F8: variants seen among roughly 807,000 people sequenced by gnomAD.
The protein encoded by F8 is antihemophilic factor.
In F8, 12 loss-of-function variants were observed where a neutral mutation model predicts 140.6. The observed-to-expected ratio is 0.09, with a 90% confidence interval of 0.05 to 0.14. The LOEUF (loss-of-function observed/expected upper bound fraction) is 0.14, where lower values mean the gene tolerates loss of function less well. F8 is among the 10% of genes least tolerant of loss of function. F8 has a pLI of 1.00. For synonymous variants in F8, 585 were observed against 614.6 expected, an observed-to-expected ratio of 0.95 and a Z score of 0.71; for missense variants, 1,354 against 1,720.7, an observed-to-expected ratio of 0.79 and a Z score of 3.77.
In F8 at chrX:154,962,892, AC is replaced by A. The variant is rs1557281693; in HGVS notation, c.1444-1725del. Among the ~76,000 whole-genome samples the A allele has an allele frequency of 6.4e-4, 59 of 92,326 alleles. 1 individual carries two copies. Among genetic ancestry groups the A allele is most frequent in the Admixed American group, 2.8e-3 (24 of 8,494 alleles). 80.2% of individuals were successfully genotyped at this position (92,326 alleles called of 115,157 possible). ...TCAAGAGAGAGAGAGAGAGACAGAGACGAGAGAGAGAGAGAGAGAGAGAGAG... is the reference window on the plus strand; with the variant it reads ...TCAAGAGAGAGAGAGAGAGACAGAGAGAGAGAGAGAGAGAGAGAGAGAGAG... On this transcript the variant is annotated intron_variant, in intron 9 of 25. Coordinates refer to ENST00000360256, the MANE Select transcript of F8 (RefSeq NM_000132.4).
intron 1 of F8, among the ~76,000 whole-genome samples, chrX:155,013,145 CAA>C (rs34940593): frequency 1.2e-4 from 4 of 34,034 alleles, no homozygotes; most frequent in Admixed American, 3.9e-4. Context: ...GACTCCGTCT[CAA>C]AAAAAAAAAA....
intron 13 of F8, among the ~76,000 whole-genome samples, chrX:154,946,810 T>G (rs782039562): frequency 5.4e-5 from 6 of 111,293 alleles, no homozygotes; most frequent in African/African-American, 1.6e-4. Flanking sequence ...GATGAAATAT[T>G]TGCAAACTAT....
rs782246279 is a variant in F8, at chrX:154,878,937, G to A, written c.6430-15710C>T. ...CTTAGGAATAAATTCAGCTAAGGAG[G>A]TAAAAGACTTGTACACTGAAAACTA... On this transcript the variant is annotated intron_variant, in intron 22 of 25. Transcript: ENST00000360256. 3.6e-4 allele frequency among the ~76,000 whole-genome samples: 41 copies of A among 112,387 alleles called. 1 individual carries two copies. Among genetic ancestry groups the A allele is most frequent in the African/African-American group, 1.2e-3 (38 of 31,008 alleles).
chrX:154,904,699 C>T lies in F8; in HGVS notation c.5586+112G>A. The T allele has an allele frequency of 1.9e-5, 14 of 733,582 alleles. No homozygotes were observed. The South Asian group carries it at 3.1e-4, about 16-fold the overall frequency. 60.5% of individuals were successfully genotyped at this position (733,582 alleles called of 1,213,427 possible). A position where few individuals can be genotyped will look rare whatever the true frequency, so the allele number is the denominator to read the frequency against. ...TCTAAAACACAAATATAATGATCAA[C>T]TCTCCTATTTAAAGCTTCTTATTGC... On this transcript the variant is annotated intron_variant, in intron 16 of 25. Transcript: ENST00000360256.
intron 3 of F8, among the ~76,000 whole-genome samples, 192 bp downstream of exon 3, chrX:154,996,781 T>C (rs2073619405): frequency 8.9e-6 from 1 of 112,202 alleles, no homozygotes; most frequent in Non-Finnish European, 1.9e-5. Context: ...CAATATGTTA[T>C]ATGCTAAGGA....
Position 154,930,160 on chromosome X carries a change from T to G in F8, c.3630A>C (p.Glu1210Asp), listed in dbSNP as rs1557278609. The change falls in exon 14 of 26, where the codon GAA becomes GAC. Residue 1210 changes from glutamate to aspartate, a missense_variant. This residue lies in a region of F8 where 658 missense variants were observed against 666.5 expected (regional missense o/e 0.99). Transcript: ENST00000360256. Reference protein sequence around the residue: ...NLHENNTHNQEKKIQEEIEKK... With the variant: ...NLHENNTHNQDKKIQEEIEKK... ...TTTCTATTTCTTCCTGAATTTTTTT[T>G]TCTTGATTGTGTGTATTATTTTCAT... 2.5e-6 allele frequency: 3 copies of G among 1,207,770 alleles called. No homozygotes were observed. The Admixed American group carries it at 6.6e-5, about 27-fold the overall frequency.
At chrX:154,948,329 G>T (rs1241544973) in intron 12 of F8, among the ~76,000 whole-genome samples, 2 of 111,594 alleles carry the variant, frequency 1.8e-5, no homozygotes, top group African/African-American at 6.5e-5. Context: ...TGCTATAAAT[G>T]ACAGCATTGG....
rs2073039600 is a variant in F8, at chrX:154,906,565, C to T, written c.5228G>A (p.Ser1743Asn). The T allele has an allele frequency of 8.3e-7, 1 of 1,210,506 alleles. No homozygotes were observed. Among genetic ancestry groups the T allele is most frequent in the African/African-American group, 1.7e-5 (1 of 57,668 alleles). The change falls in exon 15 of 26, where the codon AGT becomes AAT. Residue 1743 changes from serine to asparagine, a missense_variant. Ser to Asn is a conservative substitution (Grantham distance 46, BLOSUM62 1). This residue lies in a region of F8 where 316 missense variants were observed against 485.4 expected (regional missense o/e 0.65). Transcript: ENST00000360256. Reference protein sequence around the residue: ...SPHVLRNRAQSGSVPQFKKVV... With the variant: ...SPHVLRNRAQNGSVPQFKKVV... ...TTTCTTGAACTGAGGGACACTGCCA[C>T]TCTGAGCCCTGGAGAAAAAAAGCAG...
intron 22 of F8, among the ~76,000 whole-genome samples, chrX:154,872,547 G>A (rs1228878163): frequency 2.8e-5 from 3 of 107,476 alleles, no homozygotes; most frequent in Non-Finnish European, 5.8e-5. Flanking sequence ...GGGGCCTGTT[G>A]GGGGGTGGGG....
chrX:154,864,792 A>G (rs1557273066), intron 22 of F8, among the ~76,000 whole-genome samples: 1 of 111,704 alleles, frequency 9.0e-6, no homozygotes, highest in Non-Finnish European at 1.9e-5. Flanking sequence ...GAAATTATCT[A>G]GTTAGCGGAA....
At chrX:154,977,425 A>C (rs1192859886) in intron 6 of F8, 1 of 106,597 alleles carries the variant, frequency 9.4e-6, no homozygotes, top group African/African-American at 3.4e-5. Context: ...AGTTTGAAAA[A>C]CTCCCTTTAG....
At chrX:155,007,279 A>G (rs1312753420) in intron 1 of F8, among the ~76,000 whole-genome samples, 2 of 112,936 alleles carry the variant, frequency 1.8e-5, no homozygotes, top group Non-Finnish European at 3.7e-5. Context: ...GACTCTGGCA[A>G]TTCACATCAG....
At chrX:154,915,002 A>C (rs184223776) in intron 14 of F8, among the ~76,000 whole-genome samples, 95 of 112,136 alleles carry the variant, frequency 8.5e-4, no homozygotes, top group African/African-American at 2.8e-3. Flanking sequence ...AAGAGGTATA[A>C]TTGACTCACA....
At chrX:154,962,893 C>T (rs782107013) in intron 9 of F8, among the ~76,000 whole-genome samples, 3 of 95,907 alleles carry the variant, frequency 3.1e-5, no homozygotes, top group South Asian at 5.1e-4. Context: ...GAGACAGAGA[C>T]GAGAGAGAGA....
chrX:154,918,264 C>T (rs782127037), intron 14 of F8, among the ~76,000 whole-genome samples: 2 of 111,341 alleles, frequency 1.8e-5, no homozygotes, highest in South Asian at 7.6e-4. Flanking sequence ...GATTTTGTGT[C>T]CAGAGGAACC....
At chrX:154,983,714 G>C (rs186605804) in intron 6 of F8, among the ~76,000 whole-genome samples, 25 of 112,305 alleles carry the variant, frequency 2.2e-4, no homozygotes, top group African/African-American at 7.4e-4. Flanking sequence ...AGGCCAGCTA[G>C]TGATTCATGC....
chrX:154,958,675 G>A (rs782146903), intron 10 of F8, among the ~76,000 whole-genome samples: 31 of 112,017 alleles, frequency 2.8e-4, no homozygotes, highest in African/African-American at 9.4e-4. Context: ...GTGCAGTGGG[G>A]TGATCTTGGC....
chrX:154,935,981 AAC>A (rs782071576), intron 13 of F8, among the ~76,000 whole-genome samples: 35,836 of 87,867 alleles, frequency 0.41, 6,477 homozygotes, highest in East Asian at 0.61. Flanking sequence ...ATGCCAAAGT[AAC>A]ACACACACAC....
intron 14 of F8, among the ~76,000 whole-genome samples, chrX:154,920,591 T>G (rs2073125014): frequency 9.1e-6 from 1 of 110,357 alleles, no homozygotes; most frequent in South Asian, 3.9e-4. Context: ...TAGCTGGGAC[T>G]ACAGGCATGC....
Sources: allele counts gnomAD v4.1 joint callset (sites outside exome capture counted in the v4.1 genomes callset), GRCh38; gene constraint gnomAD v4.1.1; regional missense constraint gnomAD v4.1.1; transcripts MANE v1.5; gene names NCBI Gene and HGNC (gene_info 2026-07-23, HGNC 2026-07-21).